Variants in ZNF804A observed in about 807,000 individuals in gnomAD.
ZNF804A encodes the protein zinc finger protein 804A.
In ZNF804A, 2 loss-of-function variants were observed where a neutral mutation model predicts 16.5. The observed-to-expected ratio is 0.12, with a 90% CI of 0.05 to 0.38. The LOEUF is 0.38. ZNF804A is among the 10% of genes least tolerant of loss of function. The pLI is 0.99. For synonymous variants in ZNF804A, 534 were observed against 489.6 expected (o/e 1.09, Z -1.20); for missense variants, 1,473 against 1,390.7 (o/e 1.06, Z -0.94).
intron 1 of ZNF804A, among the ~76,000 whole-genome samples, chr2:184,806,324 T>C (rs754345132): frequency 2.0e-5 from 3 of 151,956 alleles, no homozygotes; most frequent in Non-Finnish European, 4.4e-5. Flanking sequence ...GGATCAATAA[T>C]AGAAATATAG....
chr2:184,830,738 T>C (rs1255571831), intron 1 of ZNF804A, among the ~76,000 whole-genome samples: 2 of 152,086 alleles, frequency 1.3e-5, no homozygotes, highest in Non-Finnish European at 2.9e-5. Flanking sequence ...GATATTGATA[T>C]TTCATAATGA....
At chr2:184,882,120 G>GA (rs962813815) in intron 2 of ZNF804A, among the ~76,000 whole-genome samples, 15 of 151,550 alleles carry the variant, frequency 9.9e-5, no homozygotes, top group Admixed American at 2.6e-4. Flanking sequence ...AGAGAAAACA[G>GA]AAAAAAGCAG....
chr2:184,644,293 A>G (rs983009207), intron 1 of ZNF804A, among the ~76,000 whole-genome samples: 4 of 151,768 alleles, frequency 2.6e-5, no homozygotes, highest in Admixed American at 6.6e-5. Flanking sequence ...AATTGAAAGG[A>G]AACAACTGAA....
intron 2 of ZNF804A, among the ~76,000 whole-genome samples, chr2:184,914,586 A>G (rs559064006): frequency 6.6e-6 from 1 of 152,302 alleles, no homozygotes; most frequent in African/African-American, 2.4e-5. Context: ...TGTGTCTAAG[A>G]GTTGGAAATC....
chr2:184,604,217 C>A (rs560821381), intron 1 of ZNF804A, among the ~76,000 whole-genome samples: 1 of 116,620 alleles, frequency 8.6e-6, no homozygotes, highest in African/African-American at 3.3e-5. Flanking sequence ...TTTGCCCAGG[C>A]TGGAGTGCAA....
chr2:184,866,316 A>C (rs1340005414), intron 1 of ZNF804A, 53 bp from the exon 2 acceptor site: 2 of 1,582,300 alleles, frequency 1.3e-6, no homozygotes, highest in African/African-American at 2.7e-5. Flanking sequence ...GCTAAAACAA[A>C]GTAAACACAG....
At position 184,936,955 on chromosome 2, in the gene ZNF804A, G is replaced by T; in HGVS notation, c.1559G>T (p.Cys520Phe). 4 of 1,613,946 alleles carry T rather than the reference G, an allele frequency of 2.5e-6. No individual in the cohort carries two copies. Among genetic ancestry groups the T allele is most frequent in the Non-Finnish European group, 3.4e-6 (4 of 1,179,942 alleles). Residue 520 changes from cysteine to phenylalanine, a missense_variant, in exon 4 of 4, where the codon TGC (cysteine) becomes TTC (phenylalanine). Transcript: ENST00000302277. ...GAAATTGGAAGTAGCAAAAATAAAT[G>T]CAGCCAAGTCACTCCTCTTTTGGCT... ...DYEIGSSKNK[C>F]SQVTPLLADD...
rs150841950 is a variant in ZNF804A at position 184,879,613 on chromosome 2, C to A, written c.255+13101C>A. Among the ~76,000 whole-genome samples, 34 of 152,064 alleles carry A rather than the reference C, an allele frequency of 2.2e-4. No homozygotes were observed. The East Asian group carries it at 6.4e-3, about 28-fold the overall frequency. ...TTAGGAATATAGGAAGGTGAAAAAT[C>A]TTTTGCTGTTCAGCAGGAAAAAGAG... On this transcript the variant is annotated intron_variant, in intron 2 of 3. Coordinates refer to ENST00000302277, the MANE Select transcript of ZNF804A (RefSeq NM_194250.2).
At chr2:184,851,590 A>G (rs969269537) in intron 1 of ZNF804A, among the ~76,000 whole-genome samples, 3 of 151,892 alleles carry the variant, frequency 2.0e-5, no homozygotes, top group Non-Finnish European at 2.9e-5. Flanking sequence ...TCATGCATCT[A>G]TGGAGGTTTA....
chr2:184,829,899 C>CAAAAAA (rs1244566222), intron 1 of ZNF804A, among the ~76,000 whole-genome samples: 691 of 37,344 alleles, frequency 0.019, 4 homozygotes, highest in East Asian at 0.028. Flanking sequence ...CTGTCTCTAC[C>CAAAAAA]AAAAAAAAAA....
At chr2:184,854,995 A>C (rs1695665124) in intron 1 of ZNF804A, among the ~76,000 whole-genome samples, 1 of 152,100 alleles carries the variant, frequency 6.6e-6, no homozygotes. Flanking sequence ...ACAAAGGAGT[A>C]GAAAATTCAT....
chr2:184,859,335 C>G (rs1263132074), intron 1 of ZNF804A, among the ~76,000 whole-genome samples: 2 of 150,902 alleles, frequency 1.3e-5, no homozygotes, highest in Non-Finnish European at 3.0e-5. Flanking sequence ...TTTAAATATT[C>G]TTTTTTGAGT....
chr2:184,862,109 G>A (rs931451380), intron 1 of ZNF804A, among the ~76,000 whole-genome samples: 1 of 152,272 alleles, frequency 6.6e-6, no homozygotes, highest in South Asian at 2.1e-4. Context: ...ACCAGATAGA[G>A]GGTGAACATT....
chr2:184,734,133 G>C (rs528084660), intron 1 of ZNF804A, among the ~76,000 whole-genome samples: 4 of 152,076 alleles, frequency 2.6e-5, no homozygotes, highest in African/African-American at 9.6e-5. Flanking sequence ...GGAGTGCAGT[G>C]GTCTGGTTGG....
intron 1 of ZNF804A, among the ~76,000 whole-genome samples, chr2:184,802,483 G>A (rs1435648283): frequency 2.0e-5 from 3 of 152,162 alleles, no homozygotes. Context: ...TCTCACTCAT[G>A]TTCTAACTCA....
Position 184,703,161 on chromosome 2 carries a change from T to A in ZNF804A, c.111+104091T>A, listed in dbSNP as rs1265518171. ...GTGTTTACTACCCAAATAATTTTAA[T>A]GGAAAAACTGTAGTATTTACTATTA... is the stretch of plus-strand genomic sequence containing the variant. On this transcript the variant is annotated intron_variant, in intron 1 of 3. Coordinates refer to ENST00000302277, the MANE Select transcript of ZNF804A (RefSeq NM_194250.2). Among the ~76,000 whole-genome samples, 17 of 152,176 alleles carry A rather than the reference T, an allele frequency of 1.1e-4. 1 individual carries two copies. The highest frequency in any genetic ancestry group is 1.1e-3 in the Admixed American group (17 of 15,274).
intron 1 of ZNF804A, among the ~76,000 whole-genome samples, chr2:184,715,230 G>A (rs1439850824): frequency 6.6e-6 from 1 of 152,070 alleles, no homozygotes. Flanking sequence ...CCTATTATTG[G>A]GTAATGAGGA....
At chr2:184,843,261 T>TTTTA (rs1388970808) in intron 1 of ZNF804A, among the ~76,000 whole-genome samples, 2 of 151,896 alleles carry the variant, frequency 1.3e-5, no homozygotes, top group Admixed American at 6.6e-5. Context: ...TTAAATTACA[T>TTTTA]TTTATTTATT....
chr2:184,924,577 A>AT (rs1006378860), intron 2 of ZNF804A, among the ~76,000 whole-genome samples: 38 of 145,746 alleles, frequency 2.6e-4, no homozygotes, highest in Admixed American at 3.4e-4. Flanking sequence ...TCTAATCTTT[A>AT]TTTTTTTTTC....
Sources: allele counts gnomAD v4.1 joint callset (sites outside exome capture counted in the v4.1 genomes callset), GRCh38; gene constraint gnomAD v4.1.1; transcripts MANE v1.5; gene names NCBI Gene and HGNC (gene_info 2026-07-23, HGNC 2026-07-21).